Variants in EXOC3 observed in about 807,000 individuals in gnomAD.
EXOC3 encodes the protein exocyst complex component 3.
A neutral mutation model predicts 73.7 loss-of-function variants in EXOC3; 21 were observed. That is an observed-to-expected ratio of 0.29 (90% confidence interval 0.20 to 0.41). The LOEUF is 0.41. EXOC3 is among the 10% of genes least tolerant of loss of function. The probability of loss-of-function intolerance (pLI) is 1.00; values close to 1 mark genes in which losing one functional copy is unlikely to be tolerated. For synonymous variants in EXOC3, 410 were observed against 389.1 expected (o/e 1.05, Z -0.63); for missense variants, 842 against 985.1 (o/e 0.85, Z 1.95).
chr5:465,250 TC>T lies in EXOC3; in HGVS notation c.1918del (p.Leu640CysfsTer26). The T allele has an allele frequency of 1.3e-6, 2 of 1,589,258 alleles. No homozygotes were observed. The highest frequency in any genetic ancestry group is 8.6e-7 in the Non-Finnish European group (1 of 1,168,414). ...GTTAGGGAGGCAGAGCAGCTGCGCT[TC>T]CTGTTCCGGAAGCTGGCGTCCGTGA... is the stretch of plus-strand genomic sequence containing the variant. ...KMVREAEQLR[F>X]LFRKLASGFG... On this transcript the variant is annotated frameshift_variant, in exon 11 of 13. Coordinates refer to ENST00000512944, the MANE Select transcript of EXOC3 (RefSeq NM_007277.5). LOFTEE classifies it high-confidence loss of function.
chr5:464,469 C>T (rs762036922), intron 10 of EXOC3, 57 bp downstream of exon 10: 8 of 1,585,190 alleles, frequency 5.0e-6, no homozygotes, highest in Admixed American at 1.7e-5. Context: ...CACCTCTCAC[C>T]CTGCTCAGAA....
intron 10 of EXOC3, chr5:464,736 G>C (rs754258236): frequency 2.5e-4 from 101 of 407,116 alleles, no homozygotes; most frequent in Non-Finnish European, 3.7e-4. Flanking sequence ...CCTCCTTCCT[G>C]CAGGACCCAG....
At chr5:450,789 AG>A (rs1262131123) in intron 3 of EXOC3, among the ~76,000 whole-genome samples, 2 of 144,996 alleles carry the variant, frequency 1.4e-5, no homozygotes, top group Admixed American at 1.4e-4. Context: ...CTTTGTGACT[AG>A]TTTTTTTTTT....
At chr5:457,712 T>C (rs1351675667) in intron 5 of EXOC3, 188 bp from the exon 6 acceptor site, 1 of 580,038 alleles carries the variant, frequency 1.7e-6, no homozygotes, top group Non-Finnish European at 3.0e-6. Flanking sequence ...TGCGGGCTGC[T>C]GTGGTCACTG....
Position 447,702 on chromosome 5 carries a change from A to T in EXOC3, c.314A>T (p.Gln105Leu). The T allele has an allele frequency of 6.3e-7, 1 of 1,588,418 alleles. No homozygotes were observed. Among genetic ancestry groups the T allele is most frequent in the South Asian group, 1.1e-5 (1 of 87,458 alleles). Residue 105 changes from glutamine to leucine, a missense_variant, in exon 3 of 13, where the codon CAG becomes CTG. Physicochemically the swap from Gln to Leu is moderately radical, Grantham distance 113. Transcript: ENST00000512944. Reference sequence around the variant, plus strand: ...AAGGACGTCAAAGACGCCGTGGTGCAGCACAGCCAGCTCGCCGCAGCCGTG... The same window carrying T: ...AAGGACGTCAAAGACGCCGTGGTGCTGCACAGCCAGCTCGCCGCAGCCGTG... ...SLKDVKDAVV[Q>L]HSQLAAAVEN... is the part of the protein sequence containing the mutation.
intron 12 of EXOC3, 84 bp downstream of exon 12, chr5:465,929 C>T (rs1738134753): frequency 1.4e-6 from 2 of 1,475,352 alleles, no homozygotes; most frequent in Non-Finnish European, 1.8e-6. Flanking sequence ...GCGGGTGGGG[C>T]TCCTGGTTCG....
chr5:448,390 C>A (rs1737565587), intron 3 of EXOC3, among the ~76,000 whole-genome samples: 1 of 152,206 alleles, frequency 6.6e-6, no homozygotes, highest in Non-Finnish European at 1.5e-5. Context: ...CTTGCTGTGA[C>A]AGGAGCTGCT....
rs1172687909 is a variant in EXOC3 at position 465,115 on chromosome 5, T to C, written c.1781T>C (p.Met594Thr). 3 of 1,576,474 alleles carry C rather than the reference T, an allele frequency of 1.9e-6. No individual in the cohort carries two copies. The East Asian group carries it at 6.9e-5, about 37-fold the overall frequency. The change falls in exon 11 of 13, where the codon ATG becomes ACG. Residue 594 changes from methionine to threonine, a missense_variant. Coordinates refer to ENST00000512944, the MANE Select transcript of EXOC3 (RefSeq NM_007277.5). ...AKIKKPYKKRMTAEAHRRVVV... is the reference protein window; with the variant it reads ...AKIKKPYKKRTTAEAHRRVVV... ...TGACCGCGCGTGTCTCCCCAGAGGA[T>C]GACGGCCGAGGCGCACCGGCGCGTG...
chr5:461,086 G>A (rs1737969842), intron 7 of EXOC3, among the ~76,000 whole-genome samples: 1 of 152,216 alleles, frequency 6.6e-6, no homozygotes, highest in South Asian at 2.1e-4. Context: ...TTCAGGGACA[G>A]TTTCTGAAAG....
At chr5:458,052 T>C (rs1250270892) in intron 6 of EXOC3, 27 bp downstream of exon 6, 2 of 1,606,278 alleles carry the variant, frequency 1.2e-6, no homozygotes, top group East Asian at 2.2e-5. Context: ...ACTGGCACAG[T>C]TCCGTTTCCT....
intron 4 of EXOC3, among the ~76,000 whole-genome samples, chr5:455,823 C>G (rs1737794369): frequency 6.6e-6 from 1 of 152,056 alleles, no homozygotes; most frequent in African/African-American, 2.4e-5. Context: ...CCAGGATGGT[C>G]TCAATCTCCT....
At chr5:445,838 G>A (rs1419782737) in intron 1 of EXOC3, among the ~76,000 whole-genome samples, 1 of 152,180 alleles carries the variant, frequency 6.6e-6, no homozygotes, top group Non-Finnish European at 1.5e-5. Flanking sequence ...CCTGTCTTGG[G>A]GAGAGATGTG....
At chr5:446,899 A>G (rs1445704028) in intron 2 of EXOC3, 2 of 156,516 alleles carry the variant, frequency 1.3e-5, no homozygotes, top group Non-Finnish European at 2.8e-5. Context: ...ACACCCTGAA[A>G]GTGTCTATTA....
chr5:461,026 CCT>C (rs1458177245), intron 7 of EXOC3, among the ~76,000 whole-genome samples: 4 of 152,280 alleles, frequency 2.6e-5, no homozygotes, highest in African/African-American at 9.6e-5. Context: ...CGTGTCACTA[CCT>C]CTGTTTGTTT....
intron 4 of EXOC3, 142 bp from the exon 5 acceptor site, chr5:456,745 TCC>T: frequency 1.5e-6 from 1 of 685,322 alleles, no homozygotes; most frequent in Non-Finnish European, 2.6e-6. Context: ...CCCTGCACTT[TCC>T]CCTGAGCTGT....
chr5:459,924 GA>G, intron 7 of EXOC3, among the ~76,000 whole-genome samples: 1 of 152,378 alleles, frequency 6.6e-6, no homozygotes, highest in East Asian at 1.9e-4. Context: ...TACAGATGTG[GA>G]AAAGAGTTTA....
intron 3 of EXOC3, among the ~76,000 whole-genome samples, chr5:448,809 G>A (rs1737576958): frequency 6.6e-6 from 1 of 152,200 alleles, no homozygotes; most frequent in South Asian, 2.1e-4. Flanking sequence ...CCGTTGCTTT[G>A]TGTGTGCCCT....
chr5:445,807 C>A (rs992672869), intron 1 of EXOC3, among the ~76,000 whole-genome samples: 2 of 152,162 alleles, frequency 1.3e-5, no homozygotes, highest in Non-Finnish European at 2.9e-5. Context: ...TGGGGGAAAG[C>A]TCCCGAAATG....
In EXOC3 at chr5:447,592, C is replaced by A. The variant is rs1402126784; in HGVS notation, c.204C>A (p.Ala68=). 6.3e-7 allele frequency: 1 copy of A among 1,591,298 alleles called. No individual in the cohort carries two copies. Among genetic ancestry groups the A allele is most frequent in the East Asian group, 2.3e-5 (1 of 43,378 alleles). Residue 68 remains alanine (A), a synonymous_variant, in exon 3 of 13, where the codon GCC becomes GCA. Coordinates refer to ENST00000512944, the MANE Select transcript of EXOC3 (RefSeq NM_007277.5). Reference sequence around the variant, plus strand: ...CAGGCCTCAGCCAGCTCCACAACGCCCTGAATGACGTCAAAGACATCCAGC... The same window carrying A: ...CAGGCCTCAGCCAGCTCCACAACGCACTGAATGACGTCAAAGACATCCAGC... ...VRTGLSQLHN[A]LNDVKDIQQS...
Sources: gnomAD v4.1 joint callset for allele counts (sites outside exome capture counted in the v4.1 genomes callset) on GRCh38, gnomAD v4.1.1 for gene constraint, MANE v1.5 for transcripts, NCBI Gene and HGNC (gene_info 2026-07-23, HGNC 2026-07-21) for gene names.